The following SCNN1B variants were observed in gnomAD, a reference collection of about 807,000 sequenced individuals.
The protein encoded by SCNN1B is epithelial sodium channel subunit beta.
SCNN1B carries 46 observed loss-of-function variants against 65.3 expected under a neutral mutation model. That is an observed-to-expected ratio of 0.70 (90% CI 0.56 to 0.90). SCNN1B has a LOEUF of 0.90. Among genes scored for constraint, SCNN1B ranks in the 40% least tolerant of loss-of-function variants. The pLI is 0.00. For missense variants in SCNN1B, 751 were observed against 830.5 expected (o/e 0.90, Z 1.18); for synonymous variants, 349 against 330.6 (o/e 1.06, Z -0.60).
chr16:23,373,044 T>C (rs1026652404), intron 7 of SCNN1B, among the ~76,000 whole-genome samples: 1 of 151,622 alleles, frequency 6.6e-6, no homozygotes, highest in African/African-American at 2.4e-5. Context: ...GAGGCGGAGG[T>C]TGCAGTGAGC....
At chr16:23,355,221 C>A in intron 3 of SCNN1B, 78 bp from the exon 4 acceptor site, 2 of 1,447,038 alleles carry the variant, frequency 1.4e-6, no homozygotes, top group Non-Finnish European at 1.9e-6. Flanking sequence ...TCTTGCCCTG[C>A]TAGGGCCCTC....
intron 1 of SCNN1B, among the ~76,000 whole-genome samples, chr16:23,325,800 CT>C (rs1280703794): frequency 6.6e-6 from 1 of 151,902 alleles, no homozygotes; most frequent in Non-Finnish European, 1.5e-5. Context: ...CATCTGTAAT[CT>C]CAACACTTTG....
intron 2 of SCNN1B, among the ~76,000 whole-genome samples, chr16:23,287,990 A>AC (rs1246651999): frequency 1.6e-5 from 2 of 121,892 alleles, no homozygotes; most frequent in African/African-American, 8.3e-5. Flanking sequence ...CCCCATCTCT[A>AC]CAAAAAAAAA....
At chr16:23,345,205 G>A (rs989701450) in intron 1 of SCNN1B, among the ~76,000 whole-genome samples, 1 of 152,140 alleles carries the variant, frequency 6.6e-6, no homozygotes, top group African/African-American at 2.4e-5. Context: ...TATTCTGTGG[G>A]GTGTCAGGCA....
chr16:23,359,338 C>G (rs1490602732), intron 4 of SCNN1B: 1 of 152,302 alleles, frequency 6.6e-6, no homozygotes, highest in Non-Finnish European at 1.5e-5. Context: ...CCGCATCACT[C>G]TATTGCCTCA....
intron 4 of SCNN1B, among the ~76,000 whole-genome samples, chr16:23,357,898 A>G (rs1293218206): frequency 6.6e-6 from 1 of 152,202 alleles, no homozygotes; most frequent in Non-Finnish European, 1.5e-5. Context: ...AGACTACTGT[A>G]ATGTCCACAA....
At chr16:23,325,203 A>G (rs1397897710) in intron 1 of SCNN1B, among the ~76,000 whole-genome samples, 1 of 152,076 alleles carries the variant, frequency 6.6e-6, no homozygotes, top group Non-Finnish European at 1.5e-5. Flanking sequence ...CTAGAGACCC[A>G]AGGCAGATTT....
At chr16:23,311,904 G>A (rs1377813541) in intron 1 of SCNN1B, among the ~76,000 whole-genome samples, 1 of 152,148 alleles carries the variant, frequency 6.6e-6, no homozygotes, top group Admixed American at 6.5e-5. Flanking sequence ...GATGGCCATG[G>A]GCCTGTACAG....
intron 1 of SCNN1B, among the ~76,000 whole-genome samples, chr16:23,336,390 T>TTTTTA (rs1491237453): frequency 7.3e-6 from 1 of 137,486 alleles, no homozygotes; most frequent in African/African-American, 3.1e-5. Context: ...TTTTTTTTTT[T>TTTTTA]GAGACGGAGT....
intron 1 of SCNN1B, among the ~76,000 whole-genome samples, chr16:23,278,977 T>C (rs1400547302): frequency 1.3e-5 from 2 of 151,566 alleles, no homozygotes; most frequent in Non-Finnish European, 2.9e-5. Flanking sequence ...GCTAATTTTA[T>C]GTTCTGTGAA....
At chr16:23,329,522 C>G (rs145803518) in intron 1 of SCNN1B, among the ~76,000 whole-genome samples, 1 of 152,204 alleles carries the variant, frequency 6.6e-6, no homozygotes, top group East Asian at 1.9e-4. Context: ...ACCCATAGTG[C>G]TGTGAACTAC....
chr16:23,380,010 G>C lies in SCNN1B; in HGVS notation c.1467-84G>C. 1.0e-6 allele frequency: 1 copy of C among 995,838 alleles called. No individual in the cohort carries two copies. Among genetic ancestry groups the C allele is most frequent in the South Asian group, 1.3e-5 (1 of 78,250 alleles). The allele number at this position is 995,838 out of a possible 1,614,324, so 61.7% of individuals were successfully genotyped here. On this transcript the variant is annotated intron_variant, in intron 11 of 12. Transcript: ENST00000343070. The surrounding 1 kb of genome is among the most constrained non-coding windows in gnomAD (Gnocchi z 5.4). ...TGGGTGTGTGCACGTGCATGTGTGT[G>C]CATGTGTCTATGTGCGTGTGTGTGT...
chr16:23,316,122 C>T (rs1480685161), intron 1 of SCNN1B, among the ~76,000 whole-genome samples: 1 of 150,184 alleles, frequency 6.7e-6, no homozygotes, highest in Non-Finnish European at 1.5e-5. Flanking sequence ...ACCATCACCA[C>T]CATCACTATC....
At chr16:23,313,996 T>G (rs1200856891) in intron 1 of SCNN1B, among the ~76,000 whole-genome samples, 1 of 152,016 alleles carries the variant, frequency 6.6e-6, no homozygotes, top group Non-Finnish European at 1.5e-5. Flanking sequence ...TAGGTACAGT[T>G]TTTTAATTAT....
chr16:23,356,773 C>A (rs1394855377), intron 4 of SCNN1B, among the ~76,000 whole-genome samples: 1 of 152,108 alleles, frequency 6.6e-6, no homozygotes, highest in Non-Finnish European at 1.5e-5. Flanking sequence ...GCAATTGACC[C>A]ACAGATTCCC....
chr16:23,362,940 T>C (rs1255458570), intron 4 of SCNN1B, among the ~76,000 whole-genome samples: 4 of 152,170 alleles, frequency 2.6e-5, no homozygotes, highest in African/African-American at 7.2e-5. Context: ...ATTTCTTCCC[T>C]CTGGGGCTTT....
intron 1 of SCNN1B, among the ~76,000 whole-genome samples, chr16:23,311,034 G>A (rs931526544): frequency 5.9e-5 from 9 of 152,244 alleles, no homozygotes; most frequent in Non-Finnish European, 1.2e-4. Context: ...GGTGCAAATC[G>A]GTGCAAGCTC....
chr16:23,295,066 A>T (rs1026693409), intron 2 of SCNN1B, among the ~76,000 whole-genome samples: 1 of 152,120 alleles, frequency 6.6e-6, no homozygotes, highest in African/African-American at 2.4e-5. Context: ...CTGTATAGCC[A>T]TTATTACCAT....
chr16:23,331,836 T>C (rs1961818689), intron 1 of SCNN1B, among the ~76,000 whole-genome samples: 1 of 152,038 alleles, frequency 6.6e-6, no homozygotes, highest in African/African-American at 2.4e-5. Context: ...GGGGCCTCTT[T>C]GTAGGATCAA....
Sources: gnomAD v4.1 joint callset for allele counts (sites outside exome capture counted in the v4.1 genomes callset) on GRCh38, gnomAD v4.1.1 for gene constraint, Gnocchi (gnomAD v3.1) non-coding constraint, MANE v1.5 for transcripts, NCBI Gene and HGNC (gene_info 2026-07-23, HGNC 2026-07-21) for gene names.